MYO16: variants seen among roughly 807,000 people sequenced by gnomAD.
MYO16 encodes the protein unconventional myosin-XVI.
In MYO16, 94 loss-of-function variants were observed where a neutral mutation model predicts 205.3. That is an observed-to-expected ratio of 0.46 (90% CI 0.39 to 0.54). The LOEUF is 0.54. MYO16 is among the 20% of genes least tolerant of loss of function. The pLI, the probability that MYO16 is intolerant of heterozygous loss-of-function variation, is 0.00. For synonymous variants in MYO16, 988 were observed against 954.0 expected (o/e 1.04, Z -0.66); for missense variants, 2,315 against 2,387.5 (o/e 0.97, Z 0.63).
intron 12 of MYO16, among the ~76,000 whole-genome samples, chr13:108,869,980 TAA>T (rs528456256): frequency 6.6e-6 from 1 of 151,362 alleles, no homozygotes; most frequent in Admixed American, 6.6e-5. Flanking sequence ...TAATTTCATT[TAA>T]AAATATATAT....
chr13:108,631,369 T>C (rs1879974147), intron 1 of MYO16, among the ~76,000 whole-genome samples: 1 of 152,192 alleles, frequency 6.6e-6, no homozygotes, highest in Admixed American at 6.5e-5. Context: ...AAACACAATA[T>C]GAGTCTGCCC....
chr13:108,986,584 T>C (rs143753540), intron 20 of MYO16, among the ~76,000 whole-genome samples: 1,884 of 143,596 alleles, frequency 0.013, 21 homozygotes, highest in African/African-American at 0.022. Context: ...ATGGTGCTAT[T>C]GCACTCCAGC....
chr13:108,540,341 T>C, the MYO16 span, among the ~76,000 whole-genome samples: 3 of 152,166 alleles, frequency 2.0e-5, no homozygotes, highest in African/African-American at 7.2e-5. Context: ...TTTGTAGAAC[T>C]GTAAAAGAAC....
intron 3 of MYO16, among the ~76,000 whole-genome samples, chr13:108,714,096 G>A (rs9559392): frequency 0.059 from 8,939 of 152,026 alleles, 335 homozygotes; most frequent in East Asian, 0.13. Flanking sequence ...TCACTCTGTC[G>A]CCCAGGCTGG....
chr13:108,585,651 G>A, the MYO16 span, among the ~76,000 whole-genome samples: 2 of 152,152 alleles, frequency 1.3e-5, no homozygotes, highest in South Asian at 2.1e-4. Context: ...TCAAGATATG[G>A]CAAGGGAATA....
In MYO16 at chr13:109,140,081, T is replaced by C. The variant is rs1876967955; in HGVS notation, c.4052-183T>C. On this transcript the variant is annotated intron_variant, in intron 31 of 34. Transcript: ENST00000457511. The surrounding 1 kb of genome is among the most constrained non-coding windows in gnomAD (Gnocchi z 8.0). Reference sequence around the variant, plus strand: ...TCTCCAAGATCAAAACTCTCTTTTCTTGGGGGTGGTCTCAGGAGTTCGGGT... The same window carrying C: ...TCTCCAAGATCAAAACTCTCTTTTCCTGGGGGTGGTCTCAGGAGTTCGGGT... 6.6e-6 allele frequency among the ~76,000 whole-genome samples: 1 copy of C among 151,968 alleles called. No homozygotes were observed. Among genetic ancestry groups the C allele is most frequent in the South Asian group, 2.1e-4 (1 of 4,804 alleles).
At chr13:108,992,602 A>T (rs1488630651) in intron 21 of MYO16, among the ~76,000 whole-genome samples, 154 bp downstream of exon 21, 1 of 152,328 alleles carries the variant, frequency 6.6e-6, no homozygotes, top group African/African-American at 2.4e-5. Flanking sequence ...GTTTATCAAT[A>T]TATTAACCAT....
chr13:108,918,347 C>T (rs1210587783), intron 16 of MYO16, among the ~76,000 whole-genome samples: 2 of 152,158 alleles, frequency 1.3e-5, no homozygotes, highest in African/African-American at 2.4e-5. Flanking sequence ...TATAAAATTG[C>T]GCAAGAAACT....
upstream of MYO16, among the ~76,000 whole-genome samples, chr13:108,592,728 C>CTGTGTGTGTGTGTG (rs55845447): frequency 0.06 from 8,416 of 139,216 alleles, 334 homozygotes; most frequent in South Asian, 0.098. Context: ...GTGAGGGTGG[C>CTGTGTGTGTGTGTG]TGTGTGTGTG....
chr13:108,922,557 G>C (rs1347326483), intron 16 of MYO16, among the ~76,000 whole-genome samples: 4 of 152,200 alleles, frequency 2.6e-5, no homozygotes, highest in Non-Finnish European at 1.5e-5. Flanking sequence ...AAAATCCGGT[G>C]CTTATGTAAT....
At chr13:109,025,168 C>G (rs183412432) in intron 23 of MYO16, among the ~76,000 whole-genome samples, 2 of 152,210 alleles carry the variant, frequency 1.3e-5, no homozygotes, top group Non-Finnish European at 2.9e-5. Context: ...ATTACCTGGT[C>G]TTTTTACTGG....
At chr13:108,785,042 A>G (rs1336946287) in intron 4 of MYO16, among the ~76,000 whole-genome samples, 1 of 152,192 alleles carries the variant, frequency 6.6e-6, no homozygotes, top group African/African-American at 2.4e-5. Flanking sequence ...CATATTTAAT[A>G]CAGTCAGCCC....
chr13:108,985,916 G>T (rs1373793280), intron 20 of MYO16, among the ~76,000 whole-genome samples: 4 of 152,160 alleles, frequency 2.6e-5, no homozygotes, highest in Admixed American at 2.6e-4. Flanking sequence ...TCACGCTGCT[G>T]ATAAAGACAT....
chr13:108,691,369 G>A (rs945422102), intron 2 of MYO16, among the ~76,000 whole-genome samples: 1 of 151,792 alleles, frequency 6.6e-6, no homozygotes, highest in African/African-American at 2.4e-5. Flanking sequence ...TCTGAGTCCT[G>A]TAGATAAATT....
intron 7 of MYO16, among the ~76,000 whole-genome samples, chr13:108,814,643 A>G (rs1887394080): frequency 6.6e-6 from 1 of 152,204 alleles, no homozygotes; most frequent in Non-Finnish European, 1.5e-5. Context: ...AAGTATAAGC[A>G]CCCTGCTATA....
chr13:108,568,896 G>T, the MYO16 span, among the ~76,000 whole-genome samples: 1 of 151,370 alleles, frequency 6.6e-6, no homozygotes, highest in African/African-American at 2.4e-5. Context: ...TGTACATATG[G>T]GTACCCAGTT....
intron 16 of MYO16, among the ~76,000 whole-genome samples, chr13:108,918,816 G>A (rs1881613304): frequency 6.6e-6 from 1 of 152,164 alleles, no homozygotes; most frequent in Admixed American, 6.5e-5. Context: ...GCAGGTGCCT[G>A]CAGTCCCAGC....
chr13:108,851,740 A>G (rs1877879975), intron 10 of MYO16, among the ~76,000 whole-genome samples: 1 of 151,956 alleles, frequency 6.6e-6, no homozygotes, highest in African/African-American at 2.4e-5. Flanking sequence ...ACCTTTTTCT[A>G]GAGCTTGCTA....
the MYO16 span, among the ~76,000 whole-genome samples, chr13:108,544,317 A>T: frequency 1.3e-5 from 2 of 152,138 alleles, no homozygotes; most frequent in African/African-American, 4.8e-5. Flanking sequence ...TAGATATGAG[A>T]TGAGAAGTGA....
Sources: allele counts gnomAD v4.1 joint callset (sites outside exome capture counted in the v4.1 genomes callset), GRCh38; gene constraint gnomAD v4.1.1; non-coding constraint Gnocchi (gnomAD v3.1); transcripts MANE v1.5; gene names NCBI Gene and HGNC (gene_info 2026-07-23, HGNC 2026-07-21).